Variants in CEP95 observed in about 807,000 individuals in gnomAD.
CEP95 encodes centrosomal protein of 95 kDa.
In CEP95, 98 loss-of-function variants were observed where a neutral mutation model predicts 111.2. That is an observed-to-expected ratio of 0.88 (90% confidence interval 0.75 to 1.04). CEP95 has a LOEUF of 1.04. CEP95 is among the 50% of genes least tolerant of loss of function. CEP95 has a pLI of 0.00. For missense variants in CEP95, 1,027 were observed against 977.2 expected (o/e 1.05, Z -0.68); for synonymous variants, 323 against 327.1 (o/e 0.99, Z 0.14).
Position 64,529,268 on chromosome 17 carries a change from A to G in CEP95, c.1307-20A>G. 1 of 1,599,840 alleles carries G rather than the reference A, an allele frequency of 6.3e-7. No homozygotes were observed. Among genetic ancestry groups the G allele is most frequent in the Admixed American group, 1.8e-5 (1 of 56,028 alleles). On this transcript the variant is annotated intron_variant, in intron 11 of 19. Transcript: ENST00000556440. ...TCTGGCTATCAGGAACTAATGTTAT[A>G]TGTCTTTTCTCTGTTGCAGGACTTT...
At chr17:64,521,314 C>T (rs933254958) in intron 6 of CEP95, 88 bp from the exon 7 acceptor site, 4 of 856,782 alleles carry the variant, frequency 4.7e-6, no homozygotes, top group Non-Finnish European at 7.3e-6. Context: ...TATTTGTTTC[C>T]TGAGTACAAA....
intron 1 of CEP95, chr17:64,507,652 A>G: frequency 1.0e-6 from 1 of 988,080 alleles, no homozygotes; most frequent in Non-Finnish European, 1.2e-6. Flanking sequence ...GTTGTCTAGG[A>G]CGCTTTCATC....
At chr17:64,515,965 G>C (rs1034151939) in intron 4 of CEP95, 1 of 152,192 alleles carries the variant, frequency 6.6e-6, no homozygotes, top group Non-Finnish European at 1.5e-5. Context: ...CTCTAAGCCT[G>C]TTTTCTCATC....
At chr17:64,511,335 C>T (rs954737301) in intron 3 of CEP95, among the ~76,000 whole-genome samples, 2 of 152,174 alleles carry the variant, frequency 1.3e-5, no homozygotes, top group South Asian at 4.1e-4. Flanking sequence ...TTCAGCCCTA[C>T]AGTCTACAGA....
At chr17:64,531,071 G>A (rs1187315467) in intron 13 of CEP95, 53 bp downstream of exon 13, 13 of 1,014,570 alleles carry the variant, frequency 1.3e-5, no homozygotes, top group East Asian at 2.8e-5. Flanking sequence ...TGAGTGGGAA[G>A]TACAAAGATG....
At chr17:64,520,298 A>G (rs1006060392) in intron 6 of CEP95, among the ~76,000 whole-genome samples, 2 of 152,216 alleles carry the variant, frequency 1.3e-5, no homozygotes, top group Admixed American at 6.5e-5. Context: ...AATTAAGGCA[A>G]AGGAAAAAAG....
chr17:64,527,881 TATATATATATACACAC>T (rs1967971371), intron 11 of CEP95, among the ~76,000 whole-genome samples: 1 of 143,178 alleles, frequency 7.0e-6, no homozygotes, highest in Non-Finnish European at 1.5e-5. Flanking sequence ...TATATATATA[TATATATATATACACAC>T]ACACACACAC....
intron 1 of CEP95, chr17:64,508,070 A>G (rs782215706): frequency 2.0e-5 from 20 of 985,306 alleles, no homozygotes; most frequent in South Asian, 4.7e-5. Context: ...TGATGTTGTT[A>G]TTATACCAGT....
chr17:64,521,667 A>G (rs1452982888), intron 7 of CEP95, 140 bp downstream of exon 7: 11 of 702,446 alleles, frequency 1.6e-5, no homozygotes, highest in Non-Finnish European at 2.4e-5. Flanking sequence ...AATGTTTGCT[A>G]TTAATTATGG....
intron 3 of CEP95, among the ~76,000 whole-genome samples, chr17:64,512,273 C>T (rs1238475084): frequency 1.3e-5 from 2 of 152,196 alleles, no homozygotes; most frequent in Admixed American, 6.5e-5. Flanking sequence ...ATACAAGAAA[C>T]TCGTAATACT....
Position 64,510,415 on chromosome 17 carries a change from A to G in CEP95, c.256+135A>G, listed in dbSNP as rs1413483326. 1.6e-5 allele frequency: 10 copies of G among 631,866 alleles called. No individual in the cohort carries two copies. The African/African-American group carries it at 1.8e-4, about 12-fold the overall frequency. 39.1% of individuals were successfully genotyped at this position (631,866 alleles called of 1,614,324 possible). ...ATTGTAAGATTGAGCTAAGACAATC[A>G]ACTGATAGAGGTCAGGTCCATACAT... On this transcript the variant is annotated intron_variant, in intron 3 of 19. Coordinates refer to ENST00000556440, the MANE Select transcript of CEP95 (RefSeq NM_138363.3).
In CEP95 at chr17:64,514,334, A is replaced by G; in HGVS notation, c.343A>G (p.Ile115Val). 1 of 1,513,084 alleles carries G rather than the reference A, an allele frequency of 6.6e-7. No individual in the cohort carries two copies. Among genetic ancestry groups the G allele is most frequent in the South Asian group, 1.2e-5 (1 of 82,958 alleles). 93.7% of individuals were successfully genotyped at this position (1,513,084 alleles called of 1,614,324 possible). Residue 115 changes from isoleucine to valine, a missense_variant, in exon 4 of 20, where the codon ATC becomes GTC. Ile to Val is a conservative substitution (Grantham distance 29). Coordinates refer to ENST00000556440, the MANE Select transcript of CEP95 (RefSeq NM_138363.3). ...TTTGTTGGAGTATCTTACAGAACGC[A>G]TCAGTGAAACATCTCATGAGAAAAG... is the stretch of plus-strand genomic sequence containing the variant. Reference protein sequence around the residue: ...DGLLEYLTERISETSHEKSET... With the variant: ...DGLLEYLTERVSETSHEKSET...
intron 5 of CEP95, among the ~76,000 whole-genome samples, chr17:64,517,540 T>A (rs1966963556): frequency 6.6e-6 from 1 of 152,110 alleles, no homozygotes; most frequent in Admixed American, 6.5e-5. Flanking sequence ...TGCCTGCCCC[T>A]CACCCCTGCT....
At chr17:64,534,525 G>A (rs782500470) in intron 16 of CEP95, 60 bp from the exon 17 acceptor site, 5 of 1,471,270 alleles carry the variant, frequency 3.4e-6, no homozygotes, top group East Asian at 4.5e-5. Flanking sequence ...AGATGAGAAC[G>A]CTGGAATCTG....
At chr17:64,509,293 A>T (rs947179881) in intron 2 of CEP95, among the ~76,000 whole-genome samples, 1 of 152,192 alleles carries the variant, frequency 6.6e-6, no homozygotes, top group Non-Finnish European at 1.5e-5. Flanking sequence ...CTACCTCCCA[A>T]AGTGATAGGA....
rs187629973 is a variant in CEP95 at position 64,532,528 on chromosome 17, G to A, written c.1673-311G>A. On this transcript the variant is annotated intron_variant, in intron 14 of 19. Coordinates refer to ENST00000556440, the MANE Select transcript of CEP95 (RefSeq NM_138363.3). ...TTTTTCTTCTAAGCACTTGCCTACC[G>A]GGAAGGTTGAGGAGTCTTGTTTTAC... 686 of 985,368 alleles carry A rather than the reference G, an allele frequency of 7.0e-4. 15 individuals carry two copies. The Admixed American group carries it at 0.035, about 51-fold the overall frequency. 61.0% of individuals were successfully genotyped at this position (985,368 alleles called of 1,614,324 possible). A position where few individuals can be genotyped will look rare whatever the true frequency, so the allele number is the denominator to read the frequency against.
Position 64,519,308 on chromosome 17 carries a change from G to A in CEP95, c.474-13G>A. On this transcript the variant is annotated splice_polypyrimidine_tract_variant and intron_variant, in intron 5 of 19. Coordinates refer to ENST00000556440, the MANE Select transcript of CEP95 (RefSeq NM_138363.3). ...TCAGGCTGGGCCCTGAGTGAAGGAG[G>A]GAACTTTTCCAGGTGCTCCTTGTCT... The A allele has an allele frequency of 6.2e-7, 1 of 1,602,978 alleles. No homozygotes were observed. The highest frequency in any genetic ancestry group is 8.5e-7 in the Non-Finnish European group (1 of 1,169,952).
chr17:64,507,134 G>A lies in CEP95; in HGVS notation c.19+18G>A. 2 of 1,551,472 alleles carry A rather than the reference G, an allele frequency of 1.3e-6. No homozygotes were observed. The highest frequency in any genetic ancestry group is 1.7e-6 in the Non-Finnish European group (2 of 1,146,954). ...GGATGCTGGTGAGTGTCTCCCTGGG[G>A]TCCCAGTATGTGTGGACTGAAACCG... On this transcript the variant is annotated intron_variant, in intron 1 of 19. Transcript: ENST00000556440.
chr17:64,536,785 G>C (rs782711847), intron 18 of CEP95, 37 bp downstream of exon 18: 52 of 1,568,072 alleles, frequency 3.3e-5, no homozygotes, highest in Non-Finnish European at 4.1e-5. Context: ...GTTGTGCTTA[G>C]TCCTGACCAC....
Sources: allele counts gnomAD v4.1 joint callset (sites outside exome capture counted in the v4.1 genomes callset), GRCh38; gene constraint gnomAD v4.1.1; transcripts MANE v1.5; gene names NCBI Gene and HGNC (gene_info 2026-07-23, HGNC 2026-07-21).